Variants in TAOK1 observed in about 807,000 individuals in gnomAD.
TAOK1 encodes the protein serine/threonine-protein kinase TAO1.
Under a neutral mutation model 138.3 loss-of-function variants are expected in TAOK1, and 21 were observed. The observed-to-expected ratio is 0.15, with a 90% confidence interval of 0.11 to 0.22. TAOK1 has a LOEUF of 0.22. Ranked by LOEUF, TAOK1 falls within the 10% of genes least tolerant of loss-of-function variation. The pLI is 1.00. For synonymous variants in TAOK1, 361 were observed against 398.4 expected, an observed-to-expected ratio of 0.91 and a Z score of 1.12; for missense variants, 651 against 1,227.7, an observed-to-expected ratio of 0.53 and a Z score of 7.02.
At chr17:29,441,697 G>A (rs1374277716) in intron 1 of TAOK1, among the ~76,000 whole-genome samples, 1 of 152,002 alleles carries the variant, frequency 6.6e-6, no homozygotes, top group Non-Finnish European at 1.5e-5. Flanking sequence ...GTGAAGAATC[G>A]AGACCATCCT....
intron 12 of TAOK1, 91 bp downstream of exon 12, chr17:29,498,612 G>T: frequency 3.5e-6 from 5 of 1,416,662 alleles, no homozygotes; most frequent in Non-Finnish European, 4.8e-6. Context: ...GGAAGATAAG[G>T]AAGTTTCCCG....
intron 1 of TAOK1, among the ~76,000 whole-genome samples, chr17:29,441,137 T>TAA (rs2029931000): frequency 6.6e-6 from 1 of 152,202 alleles, no homozygotes; most frequent in Admixed American, 6.5e-5. Context: ...TGGTCTGTAA[T>TAA]TTTTTCTTCT....
At position 29,508,145 on chromosome 17, in the gene TAOK1, G is replaced by T. The variant is rs1417319394; in HGVS notation, c.1575+13G>T. On this transcript the variant is annotated intron_variant, in intron 14 of 19. Coordinates refer to ENST00000261716, the MANE Select transcript of TAOK1 (RefSeq NM_020791.4). Reference sequence around the variant, plus strand: ...CATGGAGAAAGAGGTGGCTTATTCAGTATTATTACTTTGCTTATTTTAGGT... The same window carrying T: ...CATGGAGAAAGAGGTGGCTTATTCATTATTATTACTTTGCTTATTTTAGGT... The T allele has an allele frequency of 2.5e-6, 4 of 1,603,276 alleles. No homozygotes were observed. Among genetic ancestry groups the T allele is most frequent in the Non-Finnish European group, 2.6e-6 (3 of 1,170,680 alleles).
rs1904393807 is a variant in TAOK1 at position 29,390,828 on chromosome 17, C to T, written c.-291C>T. 1 of 150,752 alleles carries T rather than the reference C, an allele frequency of 6.6e-6. No homozygotes were observed. Among genetic ancestry groups the T allele is most frequent in the Non-Finnish European group, 1.5e-5 (1 of 67,208 alleles). The allele number at this position is 150,752 out of a possible 1,614,324, so 9.3% of individuals were successfully genotyped here. A position where few individuals can be genotyped will look rare whatever the true frequency, so the allele number is the denominator to read the frequency against. The stretch of plus-strand genomic sequence containing the variant: ...TCGACCCCGGTCGTCCCCTCGCCCC[C>T]CCCCCCACCCCCCGCCGCCGCCGCC... On this transcript the variant is annotated 5_prime_UTR_variant, in exon 1 of 20. Coordinates refer to ENST00000261716, the MANE Select transcript of TAOK1 (RefSeq NM_020791.4).
chr17:29,507,801 T>A, intron 13 of TAOK1, 95 bp from the exon 14 acceptor site: 1 of 1,111,914 alleles, frequency 9.0e-7, no homozygotes. Context: ...TATTTTACAC[T>A]AATTCCCTAC....
chr17:29,512,231 TA>T (rs1438170978), intron 15 of TAOK1: 1 of 149,192 alleles, frequency 6.7e-6, no homozygotes, highest in African/African-American at 2.5e-5. Context: ...AATTTGTATA[TA>T]TTTTTTTAGT....
In TAOK1 at chr17:29,390,829, C is replaced by CCA. The variant is rs1482937057; in HGVS notation, c.-289_-288insAC. On this transcript the variant is annotated 5_prime_UTR_variant, in exon 1 of 20. Transcript: ENST00000261716. Reference sequence around the variant, plus strand: ...CGACCCCGGTCGTCCCCTCGCCCCCCCCCCCACCCCCCGCCGCCGCCGCCC... The same window carrying CCA: ...CGACCCCGGTCGTCCCCTCGCCCCCCCACCCCCACCCCCCGCCGCCGCCGCCC... 1.3e-5 allele frequency: 2 copies of CCA among 150,866 alleles called. No individual in the cohort carries two copies. The highest frequency in any genetic ancestry group is 3.0e-5 in the Non-Finnish European group (2 of 67,270). The allele number at this position is 150,866 out of a possible 1,614,324, so 9.3% of individuals were successfully genotyped here.
intron 16 of TAOK1, among the ~76,000 whole-genome samples, chr17:29,519,505 C>A: frequency 7.0e-6 from 1 of 141,984 alleles, no homozygotes; most frequent in Non-Finnish European, 1.5e-5. Flanking sequence ...GGCGACAGAG[C>A]AAGTCTGCAT....
At chr17:29,521,362 G>A (rs1248618248) in intron 16 of TAOK1, among the ~76,000 whole-genome samples, 2 of 152,216 alleles carry the variant, frequency 1.3e-5, no homozygotes, top group Middle Eastern at 3.4e-3. Context: ...TAAAATAAAG[G>A]AATGACATTT....
At position 29,502,656 on chromosome 17, in the gene TAOK1, A is replaced by T; in HGVS notation, c.1271A>T (p.Gln424Leu). The T allele has an allele frequency of 6.2e-7, 1 of 1,614,014 alleles. No homozygotes were observed. ...TRASDPQSPPQVSRHKSHYRN... is the reference protein window; with the variant it reads ...TRASDPQSPPLVSRHKSHYRN... ...GCATCAGATCCACAATCTCCACCCC[A>T]AGTATCTCGTCACAAATCACACTAT... The change falls in exon 13 of 20, where the codon CAA becomes CTA. Residue 424 changes from glutamine to leucine, a missense_variant. Transcript: ENST00000261716.
chr17:29,434,023 A>G (rs1300967822), intron 1 of TAOK1, among the ~76,000 whole-genome samples: 2 of 152,212 alleles, frequency 1.3e-5, no homozygotes, highest in Non-Finnish European at 2.9e-5. Context: ...GCAAGAACAG[A>G]CAAACCGGGT....
chr17:29,477,571 T>C (rs900674835), intron 4 of TAOK1, 90 bp from the exon 5 acceptor site: 1 of 663,068 alleles, frequency 1.5e-6, no homozygotes. Flanking sequence ...AACTATGTTC[T>C]TGATCTACTG....
In TAOK1 at chr17:29,504,467, G is replaced by A. The variant is rs541791920; in HGVS notation, c.1338+1744G>A. Among the ~76,000 whole-genome samples, 9 of 151,666 alleles carry A rather than the reference G, an allele frequency of 5.9e-5. No homozygotes were observed. In the South Asian group the frequency reaches 1.7e-3, roughly 28 times the overall value. ...GGTGGATCACCTGAGGTCAGGTTGC[G>A]AGACCAACCTGGCCAACATGGTGAA... is the stretch of plus-strand genomic sequence containing the variant. On this transcript the variant is annotated intron_variant, in intron 13 of 19. Coordinates refer to ENST00000261716, the MANE Select transcript of TAOK1 (RefSeq NM_020791.4).
chr17:29,486,698 C>T (rs1209888960), intron 8 of TAOK1, among the ~76,000 whole-genome samples: 1 of 151,998 alleles, frequency 6.6e-6, no homozygotes, highest in East Asian at 1.9e-4. Flanking sequence ...TGAATCTCTT[C>T]TGTGATTTTT....
chr17:29,472,979 T>C (rs1405730080), intron 3 of TAOK1, among the ~76,000 whole-genome samples: 1 of 152,204 alleles, frequency 6.6e-6, no homozygotes, highest in Non-Finnish European at 1.5e-5. Context: ...ATAAATCTCC[T>C]TTTATATCTC....
At chr17:29,533,648 G>A (rs866163117) in intron 18 of TAOK1, among the ~76,000 whole-genome samples, 2,299 of 151,928 alleles carry the variant, frequency 0.015, 48 homozygotes, top group African/African-American at 0.052. Flanking sequence ...AGACCAGCCC[G>A]GCCAACACAG....
At chr17:29,442,175 A>G (rs949050613) in intron 1 of TAOK1, among the ~76,000 whole-genome samples, 1 of 151,762 alleles carries the variant, frequency 6.6e-6, no homozygotes, top group Non-Finnish European at 1.5e-5. Flanking sequence ...CCTCCCAAGT[A>G]GCTGGGACAA....
chr17:29,451,453 A>G lies in TAOK1; in HGVS notation c.-94-2A>G. On this transcript the variant is annotated splice_acceptor_variant, in intron 1 of 19. Transcript: ENST00000261716. LOFTEE classifies it low-confidence loss of function (5UTR_SPLICE). ...TGACTTTTTTTTTCTATTTTTCTAC[A>G]GTAGTTTATGCCAACGTGACTTCAT... is the stretch of plus-strand genomic sequence containing the variant. 1 of 1,403,674 alleles carries G rather than the reference A, an allele frequency of 7.1e-7. No homozygotes were observed. Among genetic ancestry groups the G allele is most frequent in the Non-Finnish European group, 9.4e-7 (1 of 1,066,052 alleles). 87.0% of individuals were successfully genotyped at this position (1,403,674 alleles called of 1,614,324 possible).
Position 29,547,746 on chromosome 17 carries a change from C to CATG in TAOK1, c.*4727_*4729dup, listed in dbSNP as rs2032424448. On this transcript the variant is annotated 3_prime_UTR_variant, in exon 20 of 20. Coordinates refer to ENST00000261716, the MANE Select transcript of TAOK1 (RefSeq NM_020791.4). ...ATCTATTTTGTTTTCCCCCATCTAACATGATAGTGCCCCCAACCAGGTTGT... is the reference window on the plus strand; with the variant it reads ...ATCTATTTTGTTTTCCCCCATCTAACATGATGATAGTGCCCCCAACCAGGTTGT... The CATG allele has an allele frequency of 6.6e-6, 1 of 152,052 alleles. No individual in the cohort carries two copies. Among genetic ancestry groups the CATG allele is most frequent in the Admixed American group, 6.6e-5 (1 of 15,256 alleles). The allele number at this position is 152,052 out of a possible 1,614,324, so 9.4% of individuals were successfully genotyped here.
Sources: gnomAD v4.1 joint callset for allele counts (sites outside exome capture counted in the v4.1 genomes callset) on GRCh38, gnomAD v4.1.1 for gene constraint, MANE v1.5 for transcripts, NCBI Gene and HGNC (gene_info 2026-07-23, HGNC 2026-07-21) for gene names.